GADL1: variants seen among roughly 807,000 people sequenced by gnomAD.
The protein encoded by GADL1 is acidic amino acid decarboxylase GADL1.
GADL1 carries 71 observed loss-of-function variants against 69.5 expected under a neutral mutation model. That is an observed-to-expected ratio of 1.02 (90% CI 0.84 to 1.25). The LOEUF (loss-of-function observed/expected upper bound fraction) is 1.25. Among genes scored for constraint, GADL1 ranks in the 50% most tolerant of loss-of-function variants. GADL1 has a pLI of 0.00. For missense variants in GADL1, 737 were observed against 631.8 expected (o/e 1.17, Z -1.79); for synonymous variants, 254 against 214.4 (o/e 1.18, Z -1.62).
intron 12 of GADL1, among the ~76,000 whole-genome samples, chr3:30,795,878 A>T (rs1192902070): frequency 6.6e-6 from 1 of 152,212 alleles, no homozygotes. Flanking sequence ...TATTATGAGT[A>T]ACAGCAGGAA....
rs1696867795 is a variant in GADL1 at position 30,789,429 on chromosome 3, T to C, written c.1251-3023A>G. ...ACTTAGAGTACAGGCAGAGTAAGTTTAGCGTAAATCTGAAGAGTCTTAGAA... is the reference window on the plus strand; with the variant it reads ...ACTTAGAGTACAGGCAGAGTAAGTTCAGCGTAAATCTGAAGAGTCTTAGAA... On this transcript the variant is annotated intron_variant, in intron 12 of 14. Transcript: ENST00000282538. Among the ~76,000 whole-genome samples, 3 of 152,204 alleles carry C rather than the reference T, an allele frequency of 2.0e-5. No homozygotes were observed. In the South Asian group the frequency reaches 6.2e-4, roughly 31 times the overall value.
intron 11 of GADL1, among the ~76,000 whole-genome samples, chr3:30,818,249 CATT>C (rs1318942898): frequency 6.6e-6 from 1 of 152,148 alleles, no homozygotes; most frequent in Non-Finnish European, 1.5e-5. Flanking sequence ...GAGATGTAAA[CATT>C]ATACTGTGGA....
intron 8 of GADL1, among the ~76,000 whole-genome samples, chr3:30,840,179 A>G (rs992771526): frequency 6.6e-6 from 1 of 152,098 alleles, no homozygotes; most frequent in Non-Finnish European, 1.5e-5. Flanking sequence ...GTGCATGCTC[A>G]TTGCAATACA....
intron 1 of GADL1, among the ~76,000 whole-genome samples, chr3:30,880,165 C>G (rs1270653081): frequency 6.6e-6 from 1 of 151,830 alleles, no homozygotes; most frequent in Non-Finnish European, 1.5e-5. Flanking sequence ...TTTTTAAAAA[C>G]CAACAATGAC....
chr3:30,892,114 T>G lies in GADL1; in HGVS notation c.37+2464A>C, dbSNP rs76984802. Among the ~76,000 whole-genome samples the G allele has an allele frequency of 3.3e-3, 506 of 152,328 alleles. 9 individuals carry two copies. In the East Asian group the frequency reaches 0.043, roughly 13 times the overall value. On this transcript the variant is annotated intron_variant, in intron 1 of 14. Transcript: ENST00000282538. The stretch of plus-strand genomic sequence containing the variant: ...TTTGAGTCTGAAGAATCATTCATTT[T>G]TAATATAATGAAAATTTGAATCTGA...
intron 1 of GADL1, among the ~76,000 whole-genome samples, chr3:30,893,236 A>T (rs1575251054): frequency 6.6e-6 from 1 of 152,204 alleles, no homozygotes; most frequent in African/African-American, 2.4e-5. Context: ...TTTCAGTGTC[A>T]GTTGTTTTTC....
chr3:30,738,410 G>A (rs1695567738), intron 14 of GADL1, among the ~76,000 whole-genome samples: 1 of 152,052 alleles, frequency 6.6e-6, no homozygotes, highest in African/African-American at 2.4e-5. Context: ...TGCCAGTAGT[G>A]CCTCTGTTGA....
chr3:30,854,823 G>GA, intron 3 of GADL1, 34 bp from the exon 4 acceptor site: 2 of 1,127,892 alleles, frequency 1.8e-6, no homozygotes, highest in Admixed American at 2.4e-5. Context: ...CATCTATGCA[G>GA]CAATAAAAAA....
chr3:30,815,070 G>T (rs1288280995), intron 11 of GADL1, among the ~76,000 whole-genome samples: 1 of 151,956 alleles, frequency 6.6e-6, no homozygotes, highest in African/African-American at 2.4e-5. Flanking sequence ...AGATAAAATG[G>T]CCATGGTTTA....
intron 14 of GADL1, among the ~76,000 whole-genome samples, chr3:30,769,743 A>G (rs1696374191): frequency 6.6e-6 from 1 of 152,190 alleles, no homozygotes; most frequent in Admixed American, 6.5e-5. Flanking sequence ...CACCGTCCTT[A>G]AAACACCCAC....
At chr3:30,815,935 C>T (rs1035989345) in intron 11 of GADL1, among the ~76,000 whole-genome samples, 5 of 152,046 alleles carry the variant, frequency 3.3e-5, no homozygotes, top group Admixed American at 3.3e-4. Context: ...AGCTTCATGG[C>T]CGTGAGCATG....
intron 14 of GADL1, among the ~76,000 whole-genome samples, chr3:30,763,380 G>A (rs1240910179): frequency 1.3e-5 from 2 of 149,864 alleles, no homozygotes; most frequent in African/African-American, 4.9e-5. Flanking sequence ...GCCGGCGCCT[G>A]TAGTCCCAGC....
intron 4 of GADL1, among the ~76,000 whole-genome samples, chr3:30,853,982 A>G (rs12493385): frequency 9.2e-5 from 14 of 152,022 alleles, no homozygotes; most frequent in Admixed American, 2.0e-4. Context: ...CCTGGGCCCT[A>G]TATGTCTGGC....
chr3:30,848,932 A>G (rs1224355251), intron 6 of GADL1, among the ~76,000 whole-genome samples: 1 of 152,166 alleles, frequency 6.6e-6, no homozygotes, highest in Non-Finnish European at 1.5e-5. Flanking sequence ...CTTTACAGCA[A>G]GTCCCCCCAT....
Position 30,850,933 on chromosome 3 carries a change from T to A in GADL1, c.437A>T (p.Tyr146Phe), listed in dbSNP as rs1698137199. Reference sequence around the variant, plus strand: ...TAACAGAAACACTGGGGACACCTCATACGTATAACTAGATAGATATAAAAA... The same window carrying A: ...TAACAGAAACACTGGGGACACCTCAAACGTATAACTAGATAGATATAAAAA... ...TEALNPSVYTYEVSPVFLLVE... is the reference protein window; with the variant it reads ...TEALNPSVYTFEVSPVFLLVE... Residue 146 changes from tyrosine (Y) to phenylalanine (F), a missense_variant, in exon 5 of 15, where the codon TAT (tyrosine) becomes TTT (phenylalanine). Tyr to Phe is a conservative substitution (Grantham distance 22). Coordinates refer to ENST00000282538, the MANE Select transcript of GADL1 (RefSeq NM_207359.3). The A allele has an allele frequency of 6.6e-7, 1 of 1,519,702 alleles. No homozygotes were observed. Among genetic ancestry groups the A allele is most frequent in the Admixed American group, 2.0e-5 (1 of 50,784 alleles). The allele number at this position is 1,519,702 out of a possible 1,614,324, so 94.1% of individuals were successfully genotyped here. A position where few individuals can be genotyped will look rare whatever the true frequency, so the allele number is the denominator to read the frequency against.
At chr3:30,749,605 A>C (rs554356199) in intron 14 of GADL1, among the ~76,000 whole-genome samples, 1 of 152,174 alleles carries the variant, frequency 6.6e-6, no homozygotes, top group Non-Finnish European at 1.5e-5. Context: ...AAACATTCCA[A>C]CTGTGCTTCC....
intron 1 of GADL1, among the ~76,000 whole-genome samples, chr3:30,893,628 G>A (rs1559370827): frequency 6.6e-6 from 1 of 152,034 alleles, no homozygotes; most frequent in Non-Finnish European, 1.5e-5. Flanking sequence ...GATAGTACAA[G>A]TTTTAAAGTT....
chr3:30,870,303 TA>T (rs912974917), intron 1 of GADL1, among the ~76,000 whole-genome samples: 1 of 151,670 alleles, frequency 6.6e-6, no homozygotes, highest in Non-Finnish European at 1.5e-5. Context: ...AATTGAGTTG[TA>T]AAAGAGAAGG....
intron 12 of GADL1, among the ~76,000 whole-genome samples, chr3:30,787,923 T>C (rs965370599): frequency 6.6e-6 from 1 of 152,212 alleles, no homozygotes; most frequent in Non-Finnish European, 1.5e-5. Flanking sequence ...ATACAGCTTT[T>C]TATATTAAAA....
Sources: gnomAD v4.1 joint callset for allele counts (sites outside exome capture counted in the v4.1 genomes callset) on GRCh38, gnomAD v4.1.1 for gene constraint, MANE v1.5 for transcripts, NCBI Gene and HGNC (gene_info 2026-07-23, HGNC 2026-07-21) for gene names.